The following RASAL2 variants were observed in gnomAD, a reference collection of about 807,000 sequenced individuals.
The protein encoded by RASAL2 is ras GTPase-activating protein nGAP.
RASAL2 carries 58 observed loss-of-function variants against 128.9 expected under a neutral mutation model. That is an observed-to-expected ratio of 0.45 (90% CI 0.36 to 0.56). The LOEUF (loss-of-function observed/expected upper bound fraction) is 0.56. Ranked by LOEUF, RASAL2 falls within the 20% of genes least tolerant of loss-of-function variation. The pLI, the probability that RASAL2 is intolerant of heterozygous loss-of-function variation, is 0.00. For missense variants in RASAL2, 1,360 were observed against 1,601.6 expected (o/e 0.85, Z 2.57); for synonymous variants, 561 against 580.8 (o/e 0.97, Z 0.49).
rs568744852 is a variant in RASAL2, at chr1:178,104,023, A to G, written c.202+9329A>G. Among the ~76,000 whole-genome samples the G allele has an allele frequency of 7.7e-4, 117 of 152,134 alleles. 2 individuals carry two copies. The highest frequency in any genetic ancestry group is 2.5e-4 in the Non-Finnish European group (17 of 67,946). On this transcript the variant is annotated intron_variant, in intron 1 of 17. Coordinates refer to ENST00000367649, the MANE Select transcript of RASAL2 (RefSeq NM_170692.4). ...CCCCCTCTACATACACTAAGTACCT[A>G]AATACCCTTGGGGGACAAAAAAAAG...
chr1:178,156,441 C>A (rs1661086733), intron 1 of RASAL2, among the ~76,000 whole-genome samples: 1 of 152,062 alleles, frequency 6.6e-6, no homozygotes, highest in African/African-American at 2.4e-5. Context: ...AAACAGTAAA[C>A]TTTGAATATA....
intron 3 of RASAL2, among the ~76,000 whole-genome samples, chr1:178,328,340 A>AT: frequency 6.6e-6 from 1 of 152,170 alleles, no homozygotes; most frequent in East Asian, 1.9e-4. Context: ...CAGGCATATA[A>AT]TGTGTAATAA....
chr1:178,350,352 C>T (rs1370537752), intron 3 of RASAL2, among the ~76,000 whole-genome samples: 1 of 152,148 alleles, frequency 6.6e-6, no homozygotes, highest in Non-Finnish European at 1.5e-5. Flanking sequence ...CCCCGAGTAG[C>T]TGGAACTACA....
At chr1:178,250,910 G>A (rs1286230958) in intron 1 of RASAL2, among the ~76,000 whole-genome samples, 1 of 152,150 alleles carries the variant, frequency 6.6e-6, no homozygotes, top group Non-Finnish European at 1.5e-5. Context: ...GGGGTACTGT[G>A]AGGCTTACAT....
intron 1 of RASAL2, among the ~76,000 whole-genome samples, chr1:178,130,146 T>C (rs889944653): frequency 2.0e-5 from 3 of 152,208 alleles, no homozygotes; most frequent in Admixed American, 1.3e-4. Flanking sequence ...ATATAGTGCA[T>C]TTAAGATAAT....
intron 2 of RASAL2, among the ~76,000 whole-genome samples, chr1:178,284,145 G>A (rs1004359677): frequency 3.9e-5 from 6 of 152,336 alleles, no homozygotes; most frequent in African/African-American, 1.2e-4. Flanking sequence ...GCTAGCAGTC[G>A]CAGAAAGCAG....
intron 1 of RASAL2, among the ~76,000 whole-genome samples, chr1:178,136,420 G>A (rs1010745691): frequency 2.0e-5 from 3 of 152,056 alleles, no homozygotes; most frequent in Non-Finnish European, 4.4e-5. Context: ...AAGAAATTAT[G>A]TGAAGGGTTT....
chr1:178,241,772 C>T (rs1049999821), intron 1 of RASAL2, among the ~76,000 whole-genome samples: 10 of 152,158 alleles, frequency 6.6e-5, no homozygotes, highest in Non-Finnish European at 1.2e-4. Context: ...CTGTTAAATG[C>T]AGGAAATAAT....
chr1:178,249,805 T>G (rs1429451244), intron 1 of RASAL2, among the ~76,000 whole-genome samples: 3 of 152,206 alleles, frequency 2.0e-5, no homozygotes, highest in Non-Finnish European at 4.4e-5. Context: ...TTTGTTAGTG[T>G]TTCTTCTAAC....
intron 3 of RASAL2, among the ~76,000 whole-genome samples, chr1:178,377,993 T>A (rs941201360): frequency 1.3e-5 from 2 of 151,688 alleles, no homozygotes; most frequent in African/African-American, 4.8e-5. Context: ...TGGAATTTTT[T>A]AAACCTGATT....
At chr1:178,372,084 T>A (rs1205842169) in intron 3 of RASAL2, 4 of 834,322 alleles carry the variant, frequency 4.8e-6, no homozygotes, top group Non-Finnish European at 1.4e-6. Context: ...AGAGACAGAA[T>A]TCAGAGTGGA....
intron 1 of RASAL2, among the ~76,000 whole-genome samples, chr1:178,174,269 T>C (rs1484348595): frequency 3.3e-5 from 5 of 152,136 alleles, no homozygotes; most frequent in Admixed American, 3.3e-4. Context: ...TTTAGAATAC[T>C]ATATCTGTGT....
intron 1 of RASAL2, among the ~76,000 whole-genome samples, chr1:178,141,228 A>G (rs1660522256): frequency 2.4e-5 from 3 of 124,980 alleles, no homozygotes; most frequent in Admixed American, 9.1e-5. Flanking sequence ...TGCAGTTGCA[A>G]GATTGAATAG....
intron 1 of RASAL2, among the ~76,000 whole-genome samples, chr1:178,136,504 C>T (rs1325773549): frequency 1.3e-5 from 2 of 151,866 alleles, no homozygotes; most frequent in African/African-American, 4.8e-5. Context: ...GCCTGTAGTC[C>T]CAGCACTTTG....
At chr1:178,417,039 T>C (rs550324039) in intron 4 of RASAL2, among the ~76,000 whole-genome samples, 1 of 151,816 alleles carries the variant, frequency 6.6e-6, no homozygotes, top group East Asian at 1.9e-4. Context: ...GCTTCCTGGA[T>C]CTTTGGTTTG....
chr1:178,219,405 T>G (rs1293994695), intron 1 of RASAL2, among the ~76,000 whole-genome samples: 1 of 152,038 alleles, frequency 6.6e-6, no homozygotes, highest in African/African-American at 2.4e-5. Flanking sequence ...CCCAGCACTT[T>G]GGGAGGCTGA....
intron 1 of RASAL2, among the ~76,000 whole-genome samples, chr1:178,245,350 TG>T (rs1664723716): frequency 6.6e-6 from 1 of 152,250 alleles, no homozygotes. Context: ...TTTTTTCATA[TG>T]TTTGTCAGCT....
intron 2 of RASAL2, among the ~76,000 whole-genome samples, chr1:178,295,193 G>A (rs1445351525): frequency 6.6e-6 from 1 of 151,132 alleles, no homozygotes; most frequent in African/African-American, 2.4e-5. Context: ...TCTCAACTTT[G>A]CATGTCTAGA....
intron 4 of RASAL2, among the ~76,000 whole-genome samples, chr1:178,395,225 A>T (rs1260136639): frequency 6.6e-6 from 1 of 152,164 alleles, no homozygotes; most frequent in African/African-American, 2.4e-5. Flanking sequence ...ACTAGAGCCC[A>T]GTCTTCTGTA....
Sources: allele counts gnomAD v4.1 joint callset (sites outside exome capture counted in the v4.1 genomes callset), GRCh38; gene constraint gnomAD v4.1.1; transcripts MANE v1.5; gene names NCBI Gene and HGNC (gene_info 2026-07-23, HGNC 2026-07-21).